The following XRCC5 variants were observed in gnomAD, a reference collection of about 807,000 sequenced individuals.
XRCC5 encodes the protein DNA repair protein Ku80.
In XRCC5, 12 loss-of-function variants were observed where a neutral mutation model predicts 95.7. The observed-to-expected ratio is 0.13, with a 90% CI of 0.08 to 0.20. The LOEUF (loss-of-function observed/expected upper bound fraction) is 0.20. Among genes scored for constraint, XRCC5 ranks in the 10% least tolerant of loss-of-function variants. The pLI is 1.00. For synonymous variants in XRCC5, 281 were observed against 290.3 expected (o/e 0.97, Z 0.33); for missense variants, 595 against 873.9 (o/e 0.68, Z 4.02).
At chr2:216,172,615 T>C (rs963198572) in intron 16 of XRCC5, among the ~76,000 whole-genome samples, 7 of 151,910 alleles carry the variant, frequency 4.6e-5, no homozygotes, top group Non-Finnish European at 1.0e-4. Context: ...ATTACAGGCA[T>C]GAGGTACTAC....
chr2:216,110,420 T>A lies in XRCC5; in HGVS notation c.21+963T>A, dbSNP rs893148453. The A allele has an allele frequency of 7.9e-5, 12 of 152,372 alleles. No homozygotes were observed. The East Asian group carries it at 2.3e-3, about 29-fold the overall frequency. 9.4% of individuals were successfully genotyped at this position (152,372 alleles called of 1,614,324 possible). On this transcript the variant is annotated intron_variant, in intron 1 of 20. Coordinates refer to ENST00000392132, the MANE Select transcript of XRCC5 (RefSeq NM_021141.4). ...TGAGAAATGTTGATTAAAACGATCA[T>A]GAACTTTTAATAATGCCACTCACCT...
chr2:216,175,324 A>G (rs1040767544), intron 16 of XRCC5: 2 of 459,208 alleles, frequency 4.4e-6, no homozygotes, highest in Non-Finnish European at 4.2e-6. Flanking sequence ...CAAAGTTTCC[A>G]CCACAGCCAA....
intron 4 of XRCC5, 124 bp from the exon 5 acceptor site, chr2:216,118,917 ATG>A: frequency 1.0e-6 from 1 of 990,568 alleles, no homozygotes. Context: ...GACTACTAGA[ATG>A]TAATCACATT....
chr2:216,160,421 G>A (rs1029532351), intron 15 of XRCC5, among the ~76,000 whole-genome samples: 1 of 152,150 alleles, frequency 6.6e-6, no homozygotes, highest in Non-Finnish European at 1.5e-5. Flanking sequence ...TCTCAGTGTT[G>A]AGATTTTGCT....
At chr2:216,179,857 A>G (rs1416946277) in intron 16 of XRCC5, among the ~76,000 whole-genome samples, 1 of 152,180 alleles carries the variant, frequency 6.6e-6, no homozygotes, top group African/African-American at 2.4e-5. Context: ...TACCATGTTG[A>G]GGAAAAGGGC....
At chr2:216,179,413 G>A (rs1002301351) in intron 16 of XRCC5, among the ~76,000 whole-genome samples, 1 of 152,188 alleles carries the variant, frequency 6.6e-6, no homozygotes, top group Non-Finnish European at 1.5e-5. Context: ...GTTTTGGTAA[G>A]GACAGGAATG....
At chr2:216,167,480 A>G (rs1574475127) in intron 16 of XRCC5, among the ~76,000 whole-genome samples, 1 of 151,806 alleles carries the variant, frequency 6.6e-6, no homozygotes, top group Admixed American at 6.6e-5. Context: ...TACATACATT[A>G]TGTGATTTTC....
intron 14 of XRCC5, among the ~76,000 whole-genome samples, chr2:216,154,239 G>A (rs1331386083): frequency 6.6e-6 from 1 of 152,206 alleles, no homozygotes. Flanking sequence ...TTGGTTAGGA[G>A]AATGGGTGAG....
chr2:216,183,038 CA>C (rs1290280035), intron 16 of XRCC5, among the ~76,000 whole-genome samples: 1 of 152,140 alleles, frequency 6.6e-6, no homozygotes. Flanking sequence ...AATGTTATAT[CA>C]TAATGCTCTC....
rs180855991 is a variant in XRCC5, at chr2:216,128,878, A to G, written c.937+1204A>G. Among the ~76,000 whole-genome samples, 10 of 152,358 alleles carry G rather than the reference A, an allele frequency of 6.6e-5. No homozygotes were observed. The East Asian group carries it at 9.6e-4, about 15-fold the overall frequency. On this transcript the variant is annotated intron_variant, in intron 8 of 20. Coordinates refer to ENST00000392132, the MANE Select transcript of XRCC5 (RefSeq NM_021141.4). ...GAGGCTGAAAGACACTCGTTCACAT[A>G]TTCAAAGCCCCACAGTTCTCAACTA...
intron 16 of XRCC5, chr2:216,175,897 G>T (rs966261611): frequency 9.7e-6 from 4 of 410,638 alleles, no homozygotes; most frequent in Non-Finnish European, 1.9e-5. Context: ...TAGTTTTAAA[G>T]CTCAGACCAC....
Position 216,205,461 on chromosome 2 carries a change from C to G in XRCC5, c.*259C>G, listed in dbSNP as rs1361474114. 9.6e-6 allele frequency: 5 copies of G among 521,124 alleles called. No homozygotes were observed. Among genetic ancestry groups the G allele is most frequent in the Non-Finnish European group, 1.7e-5 (5 of 291,280 alleles). The allele number at this position is 521,124 out of a possible 1,614,324, so 32.3% of individuals were successfully genotyped here. Reference sequence around the variant, plus strand: ...GTGTATTATTTTTTCTGTGGTCTTACTGATCTTTGTATATTACATACATGC... The same window carrying G: ...GTGTATTATTTTTTCTGTGGTCTTAGTGATCTTTGTATATTACATACATGC... On this transcript the variant is annotated 3_prime_UTR_variant, in exon 21 of 21. Coordinates refer to ENST00000392132, the MANE Select transcript of XRCC5 (RefSeq NM_021141.4).
intron 16 of XRCC5, among the ~76,000 whole-genome samples, chr2:216,187,313 C>T (rs988178399): frequency 6.8e-6 from 1 of 147,178 alleles, no homozygotes; most frequent in Admixed American, 6.7e-5. Context: ...TTTTTTTTTA[C>T]AAAGAAACTG....
At chr2:216,156,083 T>G (rs1688836931) in intron 14 of XRCC5, among the ~76,000 whole-genome samples, 1 of 152,230 alleles carries the variant, frequency 6.6e-6, no homozygotes, top group Non-Finnish European at 1.5e-5. Flanking sequence ...ACCTTCTGCC[T>G]TGTGTTGATA....
Position 216,192,634 on chromosome 2 carries a change from C to T in XRCC5, c.1945-5C>T. 1 of 1,572,194 alleles carries T rather than the reference C, an allele frequency of 6.4e-7. No individual in the cohort carries two copies. Among genetic ancestry groups the T allele is most frequent in the Non-Finnish European group, 8.6e-7 (1 of 1,160,294 alleles). On this transcript the variant is annotated splice_polypyrimidine_tract_variant and splice_region_variant and intron_variant, in intron 17 of 20. Transcript: ENST00000392132. ...TGCCTCCTCTACCCCAACTTGCTACCACAGTTTTCAGAAGAGCAGCGCTTT... is the reference window on the plus strand; with the variant it reads ...TGCCTCCTCTACCCCAACTTGCTACTACAGTTTTCAGAAGAGCAGCGCTTT...
chr2:216,178,283 AT>A (rs1689315506), intron 16 of XRCC5, among the ~76,000 whole-genome samples: 1 of 152,194 alleles, frequency 6.6e-6, no homozygotes, highest in Non-Finnish European at 1.5e-5. Flanking sequence ...ATGGGGGAAA[AT>A]GCAAATAGTA....
chr2:216,203,170 G>C (rs1444409024), intron 19 of XRCC5, among the ~76,000 whole-genome samples: 1 of 152,088 alleles, frequency 6.6e-6, no homozygotes, highest in Middle Eastern at 3.2e-3. Flanking sequence ...AAGTGGGCTG[G>C]AAGGCTCTCT....
At chr2:216,169,660 G>C (rs1273479974) in intron 16 of XRCC5, among the ~76,000 whole-genome samples, 1 of 152,040 alleles carries the variant, frequency 6.6e-6, no homozygotes, top group Non-Finnish European at 1.5e-5. Context: ...CTTAGGTCCT[G>C]TTTACTACAG....
intron 10 of XRCC5, among the ~76,000 whole-genome samples, chr2:216,133,918 C>T (rs923972556): frequency 6.6e-6 from 1 of 152,132 alleles, no homozygotes; most frequent in Non-Finnish European, 1.5e-5. Flanking sequence ...GGATGGCAGA[C>T]ATAATAGCAC....
Sources: allele counts gnomAD v4.1 joint callset (sites outside exome capture counted in the v4.1 genomes callset), GRCh38; gene constraint gnomAD v4.1.1; transcripts MANE v1.5; gene names NCBI Gene and HGNC (gene_info 2026-07-23, HGNC 2026-07-21).